The following CSMD1 variants were observed in gnomAD, a reference collection of about 807,000 sequenced individuals.
The protein encoded by CSMD1 is CUB and Sushi multiple domains 1.
In CSMD1, 213 loss-of-function variants were observed where a neutral mutation model predicts 417.5. The observed-to-expected ratio is 0.51, with a 90% CI of 0.46 to 0.57. CSMD1 has a LOEUF of 0.57. CSMD1 is among the 20% of genes least tolerant of loss of function. The probability of loss-of-function intolerance (pLI) is 0.00; values close to 1 mark genes in which losing one functional copy is unlikely to be tolerated. For missense variants in CSMD1, 6,923 were observed against 4,529.7 expected, an observed-to-expected ratio of 1.53 and a Z score of -15.17; for synonymous variants, 2,862 against 1,736.8, an observed-to-expected ratio of 1.65 and a Z score of -16.11.
rs1283584678 is a variant in CSMD1 at position 4,346,794 on chromosome 8, C to G, written c.415+73159G>C. On this transcript the variant is annotated intron_variant, in intron 3 of 69. Coordinates refer to ENST00000635120, the MANE Select transcript of CSMD1 (RefSeq NM_033225.6). ...AAAGGAGACAAGTCAGTGGTAAGCT[C>G]TGGATACAATGTCCCGCTGTAGAAA... 4.6e-5 allele frequency among the ~76,000 whole-genome samples: 7 copies of G among 152,236 alleles called. No homozygotes were observed. In the South Asian group the frequency reaches 1.2e-3, roughly 27 times the overall value.
At chr8:4,486,724 G>C (rs1801434636) in intron 2 of CSMD1, among the ~76,000 whole-genome samples, 1 of 150,692 alleles carries the variant, frequency 6.6e-6, no homozygotes, top group Non-Finnish European at 1.5e-5. Flanking sequence ...GTACAAAGAG[G>C]GTTCCCCTTC....
At chr8:3,385,825 A>G (rs1810971648) in intron 18 of CSMD1, among the ~76,000 whole-genome samples, 6 of 150,244 alleles carry the variant, frequency 4.0e-5, no homozygotes, top group Admixed American at 4.0e-4. Context: ...TGCTTGGATA[A>G]GAAGAAGTTG....
intron 5 of CSMD1, among the ~76,000 whole-genome samples, chr8:3,786,620 C>G (rs1414116831): frequency 6.6e-6 from 1 of 152,142 alleles, no homozygotes; most frequent in Non-Finnish European, 1.5e-5. Flanking sequence ...AAAGCAGTTG[C>G]TTAAATCTAG....
At chr8:4,320,085 T>G (rs1052955943) in intron 3 of CSMD1, among the ~76,000 whole-genome samples, 1 of 152,150 alleles carries the variant, frequency 6.6e-6, no homozygotes, top group Non-Finnish European at 1.5e-5. Context: ...CCAACAAACA[T>G]TACATGTTCA....
intron 3 of CSMD1, among the ~76,000 whole-genome samples, chr8:4,249,155 T>C (rs920226195): frequency 1.3e-5 from 2 of 152,202 alleles, no homozygotes; most frequent in Admixed American, 6.5e-5. Flanking sequence ...AATCTTAACA[T>C]ATATTAAGAG....
At chr8:3,148,016 T>C (rs1176157344) in intron 40 of CSMD1, among the ~76,000 whole-genome samples, 2 of 152,208 alleles carry the variant, frequency 1.3e-5, no homozygotes, top group South Asian at 2.1e-4. Context: ...ATTTTTTGTG[T>C]GACGTCAGTT....
At chr8:4,500,555 CA>C (rs2130279016) in intron 2 of CSMD1, among the ~76,000 whole-genome samples, 1 of 152,190 alleles carries the variant, frequency 6.6e-6, no homozygotes, top group South Asian at 2.1e-4. Flanking sequence ...TTGGGTGCCA[CA>C]GACTGTTACT....
intron 8 of CSMD1, among the ~76,000 whole-genome samples, chr8:3,606,713 AT>A (rs11335642): frequency 0.4 from 56,165 of 139,558 alleles, 10,785 homozygotes; most frequent in African/African-American, 0.53. Context: ...CTTCGTTACA[AT>A]TTTTTTTTTT....
chr8:4,503,735 G>C (rs1051138226), intron 2 of CSMD1, among the ~76,000 whole-genome samples: 1 of 152,026 alleles, frequency 6.6e-6, no homozygotes, highest in African/African-American at 2.4e-5. Flanking sequence ...GACAGAAATG[G>C]GGAGATTCGG....
intron 7 of CSMD1, among the ~76,000 whole-genome samples, chr8:3,693,594 C>G (rs2624066): frequency 0.64 from 97,379 of 151,972 alleles, 32,094 homozygotes; most frequent in African/African-American, 0.78. Context: ...ACTAAAATCC[C>G]CACCCTTATT....
At position 3,658,464 on chromosome 8, in the gene CSMD1, G is replaced by GCATATATA. The variant is rs1554502334; in HGVS notation, c.1010-41668_1010-41667insTATATATG. On this transcript the variant is annotated intron_variant, in intron 7 of 69. Transcript: ENST00000635120. ...CACATATATCTATAATATATATATTGTGTATATATATATATATTTAATTTA... is the reference window on the plus strand; with the variant it reads ...CACATATATCTATAATATATATATTGCATATATATGTATATATATATATATTTAATTTA... Among the ~76,000 whole-genome samples the GCATATATA allele has an allele frequency of 2.1e-5, 3 of 144,176 alleles. 1 individual carries two copies. The highest frequency in any genetic ancestry group is 3.0e-5 in the Non-Finnish European group (2 of 66,270). The allele number at this position is 144,176 out of a possible 152,430, so 94.6% of individuals were successfully genotyped here. A position where few individuals can be genotyped will look rare whatever the true frequency, so the allele number is the denominator to read the frequency against.
intron 7 of CSMD1, among the ~76,000 whole-genome samples, chr8:3,663,840 C>T (rs903905035): frequency 6.6e-6 from 1 of 152,116 alleles, no homozygotes; most frequent in Non-Finnish European, 1.5e-5. Flanking sequence ...ACCGGGGGCA[C>T]GTGTTATCAG....
chr8:4,743,388 C>G (rs1359703480), intron 1 of CSMD1, among the ~76,000 whole-genome samples: 1 of 152,118 alleles, frequency 6.6e-6, no homozygotes, highest in Non-Finnish European at 1.5e-5. Context: ...AAATTATCAT[C>G]ATGAAACACA....
chr8:3,996,012 T>C (rs1403292374), intron 5 of CSMD1, among the ~76,000 whole-genome samples: 1 of 152,204 alleles, frequency 6.6e-6, no homozygotes, highest in East Asian at 1.9e-4. Context: ...ATACTCTCTA[T>C]GACAAGGATG....
At chr8:3,724,471 G>A (rs932655150) in intron 6 of CSMD1, among the ~76,000 whole-genome samples, 2 of 152,218 alleles carry the variant, frequency 1.3e-5, no homozygotes, top group African/African-American at 2.4e-5. Flanking sequence ...AATATATTAA[G>A]TATTGGTAGC....
At chr8:4,682,701 A>T (rs1806125084) in intron 1 of CSMD1, among the ~76,000 whole-genome samples, 1 of 151,820 alleles carries the variant, frequency 6.6e-6, no homozygotes, top group Non-Finnish European at 1.5e-5. Context: ...TGGAAAAATG[A>T]TACTCTAATT....
intron 12 of CSMD1, among the ~76,000 whole-genome samples, chr8:3,442,111 C>T (rs1815022828): frequency 6.6e-6 from 1 of 151,214 alleles, no homozygotes; most frequent in Admixed American, 6.6e-5. Context: ...AAAATGTTTA[C>T]AGAAGAAGAC....
chr8:3,478,673 A>G (rs1490969499), intron 11 of CSMD1, among the ~76,000 whole-genome samples: 1 of 152,098 alleles, frequency 6.6e-6, no homozygotes, highest in Middle Eastern at 3.2e-3. Context: ...CCTTCTCCAG[A>G]TGCAACTGTG....
intron 49 of CSMD1, among the ~76,000 whole-genome samples, chr8:3,075,984 C>T (rs370684460): frequency 1.3e-5 from 2 of 150,394 alleles, no homozygotes; most frequent in African/African-American, 2.5e-5. Flanking sequence ...CTGGGAGGCG[C>T]AGCTTGCAGT....
Sources: allele counts gnomAD v4.1 joint callset (sites outside exome capture counted in the v4.1 genomes callset), GRCh38; gene constraint gnomAD v4.1.1; transcripts MANE v1.5; gene names NCBI Gene and HGNC (gene_info 2026-07-23, HGNC 2026-07-21).